The following FHIT variants were observed in gnomAD, a reference collection of about 807,000 sequenced individuals.
FHIT encodes bis(5'-adenosyl)-triphosphatase.
A neutral mutation model predicts 17.9 loss-of-function variants in FHIT; 19 were observed. The ratio of observed to expected loss-of-function variants is 1.06; its 90% confidence interval spans 0.74 to 1.56. FHIT has a LOEUF of 1.56. FHIT is among the 40% of genes most tolerant of loss of function. The probability of loss-of-function intolerance (pLI) is 0.00; values close to 1 mark genes in which losing one functional copy is unlikely to be tolerated. For missense variants in FHIT, 248 were observed against 189.2 expected (o/e 1.31, Z -1.82); for synonymous variants, 81 against 69.7 (o/e 1.16, Z -0.81).
At chr3:59,982,244 A>T (rs1188713916) in intron 7 of FHIT, among the ~76,000 whole-genome samples, 3 of 151,216 alleles carry the variant, frequency 2.0e-5, no homozygotes, top group Admixed American at 2.0e-4. Context: ...ACAAAATAAC[A>T]TCCCTGAAGA....
At chr3:60,141,616 C>T (rs1293057393) in intron 5 of FHIT, among the ~76,000 whole-genome samples, 1 of 152,112 alleles carries the variant, frequency 6.6e-6, no homozygotes, top group African/African-American at 2.4e-5. Flanking sequence ...CAAATATATT[C>T]ACTGAGAATA....
At chr3:60,593,702 A>G (rs1026386890) in intron 4 of FHIT, among the ~76,000 whole-genome samples, 5 of 152,110 alleles carry the variant, frequency 3.3e-5, no homozygotes, top group Admixed American at 1.3e-4. Context: ...GATCTCTCCT[A>G]TGAACAAAGC....
intron 5 of FHIT, among the ~76,000 whole-genome samples, chr3:60,311,268 T>TGTGTGTGTGTGC (rs2106758775): frequency 6.6e-6 from 1 of 152,198 alleles, no homozygotes; most frequent in African/African-American, 2.4e-5. Context: ...TGTGTGTGTG[T>TGTGTGTGTGTGC]GTTTCATTTT....
chr3:59,939,506 G>A (rs1379104066), intron 7 of FHIT, among the ~76,000 whole-genome samples: 1 of 152,162 alleles, frequency 6.6e-6, no homozygotes, highest in Non-Finnish European at 1.5e-5. Flanking sequence ...TGCGGCGCAG[G>A]AGGTGAGGTG....
chr3:61,172,633 G>GA (rs2107138436), intron 2 of FHIT, among the ~76,000 whole-genome samples: 1 of 152,208 alleles, frequency 6.6e-6, no homozygotes, highest in African/African-American at 2.4e-5. Flanking sequence ...GATAATAAAG[G>GA]AATCCCTTCT....
chr3:60,691,289 C>G (rs553214403), intron 4 of FHIT, among the ~76,000 whole-genome samples: 1 of 151,876 alleles, frequency 6.6e-6, no homozygotes, highest in African/African-American at 2.4e-5. Context: ...TTTTAATCAT[C>G]TCTTTTGTTA....
intron 3 of FHIT, among the ~76,000 whole-genome samples, chr3:60,923,635 T>C (rs1273633749): frequency 1.3e-5 from 2 of 152,094 alleles, no homozygotes; most frequent in East Asian, 3.9e-4. Flanking sequence ...GAGTAAGCAA[T>C]GCAGAAGACG....
chr3:60,896,255 C>T (rs1431460197), intron 3 of FHIT, among the ~76,000 whole-genome samples: 2 of 152,158 alleles, frequency 1.3e-5, no homozygotes, highest in East Asian at 3.9e-4. Flanking sequence ...GTTCTAAGGG[C>T]CCTTATTTTT....
At chr3:59,966,652 G>C (rs1707939456) in intron 7 of FHIT, among the ~76,000 whole-genome samples, 1 of 152,098 alleles carries the variant, frequency 6.6e-6, no homozygotes, top group South Asian at 2.1e-4. Context: ...ATATAGAAAA[G>C]ATACAGTAAA....
intron 5 of FHIT, among the ~76,000 whole-genome samples, chr3:60,486,031 G>A (rs1022093263): frequency 1.3e-5 from 2 of 152,000 alleles, no homozygotes; most frequent in Non-Finnish European, 2.9e-5. Flanking sequence ...AGCATGAAGT[G>A]GCACATTATA....
chr3:60,687,333 G>A (rs1420059085), intron 4 of FHIT, among the ~76,000 whole-genome samples: 1 of 152,058 alleles, frequency 6.6e-6, no homozygotes, highest in Non-Finnish European at 1.5e-5. Context: ...TACAGCTTTA[G>A]CCATTTAAAA....
chr3:59,779,183 G>A (rs1280754102), intron 8 of FHIT, among the ~76,000 whole-genome samples: 1 of 151,512 alleles, frequency 6.6e-6, no homozygotes, highest in Non-Finnish European at 1.5e-5. Context: ...TCATTAGCTT[G>A]GACATAAAGA....
At chr3:59,804,567 T>C (rs999956001) in intron 8 of FHIT, among the ~76,000 whole-genome samples, 3 of 152,206 alleles carry the variant, frequency 2.0e-5, no homozygotes, top group Non-Finnish European at 2.9e-5. Flanking sequence ...TACAGAATTT[T>C]TGGGGGTCTA....
intron 5 of FHIT, among the ~76,000 whole-genome samples, chr3:60,140,990 T>G (rs192906704): frequency 1.4e-4 from 21 of 152,302 alleles, no homozygotes; most frequent in African/African-American, 4.3e-4. Flanking sequence ...ATGGTTTCAG[T>G]CTGGTAACAC....
At position 60,818,729 on chromosome 3, in the gene FHIT, G is replaced by A. The variant is rs181952712; in HGVS notation, c.-18+3190C>T. ...TGGGTAGTGTTTATATACAGATTTG[G>A]GAGCTTCCCCTCTCTGCCTCTCTTC... is the stretch of plus-strand genomic sequence containing the variant. On this transcript the variant is annotated intron_variant, in intron 4 of 9. Coordinates refer to ENST00000492590, the MANE Select transcript of FHIT (RefSeq NM_002012.4). Among the ~76,000 whole-genome samples, 8 of 152,168 alleles carry A rather than the reference G, an allele frequency of 5.3e-5. 1 individual carries two copies. Among genetic ancestry groups the A allele is most frequent in the Admixed American group, 2.6e-4 (4 of 15,278 alleles).
intron 4 of FHIT, among the ~76,000 whole-genome samples, chr3:60,781,235 C>T (rs891363197): frequency 3.3e-5 from 5 of 152,276 alleles, no homozygotes; most frequent in Admixed American, 1.3e-4. Context: ...AGCATCTACA[C>T]GTGCTAGATT....
intron 4 of FHIT, among the ~76,000 whole-genome samples, chr3:60,546,298 T>C (rs779984277): frequency 3.3e-5 from 5 of 152,304 alleles, no homozygotes; most frequent in Non-Finnish European, 5.9e-5. Flanking sequence ...CCCATGAGTA[T>C]GAAAATTACA....
chr3:60,197,129 T>C (rs1173767811), intron 5 of FHIT, among the ~76,000 whole-genome samples: 1 of 152,210 alleles, frequency 6.6e-6, no homozygotes, highest in Admixed American at 6.5e-5. Context: ...ATACTTAACA[T>C]GCATTTAAAA....
At chr3:59,942,756 C>T (rs1184590049) in intron 7 of FHIT, among the ~76,000 whole-genome samples, 1 of 152,138 alleles carries the variant, frequency 6.6e-6, no homozygotes, top group African/African-American at 2.4e-5. Context: ...TCAAGTGATC[C>T]TCCCACCTCA....
Sources: gnomAD v4.1 joint callset for allele counts (sites outside exome capture counted in the v4.1 genomes callset) on GRCh38, gnomAD v4.1.1 for gene constraint, MANE v1.5 for transcripts, NCBI Gene and HGNC (gene_info 2026-07-23, HGNC 2026-07-21) for gene names.